Variants in C2CD5 observed in about 807,000 individuals in gnomAD.
C2CD5 encodes C2 domain-containing protein 5.
A neutral mutation model predicts 130.3 loss-of-function variants in C2CD5; 109 were observed. That is an observed-to-expected ratio of 0.84 (90% CI 0.72 to 0.98). C2CD5 has a LOEUF of 0.98. Among genes scored for constraint, C2CD5 ranks in the 50% least tolerant of loss-of-function variants. The pLI is 0.00. For missense variants in C2CD5, 996 were observed against 1,261.8 expected (o/e 0.79, Z 3.19); for synonymous variants, 454 against 429.2 (o/e 1.06, Z -0.71).
chr12:22,509,667 T>C (rs990984244), intron 9 of C2CD5, among the ~76,000 whole-genome samples: 1 of 152,242 alleles, frequency 6.6e-6, no homozygotes, highest in Admixed American at 6.5e-5. Context: ...ATCACCACCA[T>C]AACTAGCAAC....
intron 10 of C2CD5, among the ~76,000 whole-genome samples, chr12:22,498,518 T>C (rs1477078209): frequency 6.6e-6 from 1 of 152,228 alleles, no homozygotes; most frequent in Non-Finnish European, 1.5e-5. Context: ...ATACTTATTT[T>C]TATAGGACAT....
At chr12:22,513,151 C>A (rs1949374273) in intron 9 of C2CD5, 143 bp downstream of exon 9, 2 of 522,064 alleles carry the variant, frequency 3.8e-6, no homozygotes, top group African/African-American at 1.9e-5. Context: ...ACTTTGACAC[C>A]TTAAATCCAT....
intron 10 of C2CD5, among the ~76,000 whole-genome samples, chr12:22,499,738 T>A (rs1359706919): frequency 6.6e-6 from 1 of 152,198 alleles, no homozygotes; most frequent in Non-Finnish European, 1.5e-5. Context: ...CACATAAGAT[T>A]TGTAAATGCT....
intron 3 of C2CD5, among the ~76,000 whole-genome samples, chr12:22,528,101 A>C (rs766117571): frequency 4.6e-5 from 7 of 152,212 alleles, no homozygotes; most frequent in African/African-American, 1.2e-4. Context: ...AAAAAAGTTT[A>C]TCTCTCAGCA....
Position 22,524,479 on chromosome 12 carries a change from T to C in C2CD5, c.594A>G (p.Leu198=). The C allele has an allele frequency of 6.2e-7, 1 of 1,613,096 alleles. No individual in the cohort carries two copies. The highest frequency in any genetic ancestry group is 8.5e-7 in the Non-Finnish European group (1 of 1,179,662). ...GTTATTTTTTTTAAATACCTGACAT[T>C]AACGAAATGAGTCTCTGTCTGGCCT... The part of the protein sequence containing the change: ...SNEARQRLIS[L]MSGELQRKIG... The change falls in exon 6 of 27, where the codon TTA becomes TTG. Residue 198 remains leucine, a synonymous_variant. Transcript: ENST00000446597.
chr12:22,460,978 G>A (rs1941029173), intron 22 of C2CD5, among the ~76,000 whole-genome samples: 1 of 152,186 alleles, frequency 6.6e-6, no homozygotes, highest in East Asian at 1.9e-4. Flanking sequence ...AATGGCCTAT[G>A]AGGATACCAC....
intron 10 of C2CD5, 63 bp downstream of exon 10, chr12:22,506,648 A>C: frequency 1.0e-6 from 1 of 980,686 alleles, no homozygotes; most frequent in Non-Finnish European, 1.6e-6. Flanking sequence ...AAAAAATCAT[A>C]AAAATCAATT....
chr12:22,535,531 C>G (rs1951739757), intron 2 of C2CD5, among the ~76,000 whole-genome samples, 187 bp from the exon 3 acceptor site: 1 of 152,118 alleles, frequency 6.6e-6, no homozygotes, highest in South Asian at 2.1e-4. Context: ...ATACCCACAA[C>G]AAGCAATCAC....
In C2CD5 at chr12:22,474,842, C is replaced by T. The variant is rs558753383; in HGVS notation, c.1952G>A (p.Arg651His). ...IGSPIPEPRQ[R>H]SRLLRSQSES... ...TGATTGAGATCTTAGAAGTCTTGAGCGTTGCCTAGGTTCTGGGATGGGTGA... is the reference window on the plus strand; with the variant it reads ...TGATTGAGATCTTAGAAGTCTTGAGTGTTGCCTAGGTTCTGGGATGGGTGA... The change falls in exon 16 of 27, where the codon CGC becomes CAC. Residue 651 changes from arginine (R) to histidine (H), a missense_variant. Coordinates refer to ENST00000446597, the MANE Select transcript of C2CD5 (RefSeq NM_001286176.2). 1.5e-5 allele frequency: 24 copies of T among 1,607,848 alleles called. No homozygotes were observed. The Admixed American group carries it at 2.0e-4, about 13-fold the overall frequency.
In C2CD5 at chr12:22,479,765, T is replaced by C. The variant is rs558570686; in HGVS notation, c.1738-1288A>G. 7.4e-4 allele frequency among the ~76,000 whole-genome samples: 113 copies of C among 152,190 alleles called. 1 individual carries two copies. In the South Asian group the frequency reaches 9.3e-3, roughly 13 times the overall value. On this transcript the variant is annotated intron_variant, in intron 14 of 26. Coordinates refer to ENST00000446597, the MANE Select transcript of C2CD5 (RefSeq NM_001286176.2). ...TTTCATTAGTACTGGAAAACTATCA[T>C]GGGAAATACAAAACAAGGTAACATT...
chr12:22,478,845 C>G (rs570964458), intron 14 of C2CD5, among the ~76,000 whole-genome samples: 27 of 144,502 alleles, frequency 1.9e-4, no homozygotes, highest in Non-Finnish European at 3.5e-4. Flanking sequence ...GACTCTGTCT[C>G]AAAAAAAAGA....
chr12:22,505,288 G>A (rs1315760964), intron 10 of C2CD5, among the ~76,000 whole-genome samples: 2 of 116,890 alleles, frequency 1.7e-5, no homozygotes, highest in African/African-American at 3.5e-5. Flanking sequence ...ACAGAGTTTC[G>A]CTCTTGTCGC....
intron 14 of C2CD5, among the ~76,000 whole-genome samples, chr12:22,481,049 C>T (rs1255192231): frequency 2.6e-5 from 4 of 152,132 alleles, no homozygotes; most frequent in Non-Finnish European, 5.9e-5. Context: ...GAACGATCTG[C>T]CCACCTCAGC....
At chr12:22,483,448 A>G (rs1945017109) in intron 13 of C2CD5, among the ~76,000 whole-genome samples, 1 of 152,166 alleles carries the variant, frequency 6.6e-6, no homozygotes. Flanking sequence ...AACAGTAGCA[A>G]TGAAAGCCAG....
Position 22,538,128 on chromosome 12 carries a change from A to G in C2CD5, c.91-2784T>C, listed in dbSNP as rs186445587. 5.3e-5 allele frequency among the ~76,000 whole-genome samples: 8 copies of G among 152,342 alleles called. No individual in the cohort carries two copies. In the East Asian group the frequency reaches 1.3e-3, roughly 26 times the overall value. On this transcript the variant is annotated intron_variant, in intron 2 of 26. Coordinates refer to ENST00000446597, the MANE Select transcript of C2CD5 (RefSeq NM_001286176.2). ...AAACATTTTAAGATAAAACATATAA[A>G]CAAACATTCATTCCTGTCTTTTAAT...
At chr12:22,503,063 G>C (rs1462431689) in intron 10 of C2CD5, among the ~76,000 whole-genome samples, 2 of 151,952 alleles carry the variant, frequency 1.3e-5, no homozygotes, top group Admixed American at 1.3e-4. Flanking sequence ...GTAGTCACCC[G>C]TTTGCTCAAT....
chr12:22,530,527 G>A (rs950643324), intron 3 of C2CD5, among the ~76,000 whole-genome samples: 3 of 150,866 alleles, frequency 2.0e-5, no homozygotes, highest in South Asian at 2.1e-4. Flanking sequence ...GCGTGATCTC[G>A]ACTCACTGCA....
rs551367841 is a variant in C2CD5 at position 22,448,718 on chromosome 12, A to C, written c.*1042T>G. 4.6e-5 allele frequency: 7 copies of C among 152,726 alleles called. No individual in the cohort carries two copies. In the East Asian group the frequency reaches 1.3e-3, roughly 29 times the overall value. 9.5% of individuals were successfully genotyped at this position (152,726 alleles called of 1,614,324 possible). A position where few individuals can be genotyped will look rare whatever the true frequency, so the allele number is the denominator to read the frequency against. The stretch of plus-strand genomic sequence containing the variant: ...GGGGGAAAAAATCATAAGTGTTATA[A>C]AGAAATATTATTGTGCAAAGGAGGA... On this transcript the variant is annotated 3_prime_UTR_variant, in exon 27 of 27. Coordinates refer to ENST00000446597, the MANE Select transcript of C2CD5 (RefSeq NM_001286176.2).
At chr12:22,496,356 G>C (rs1470191284) in intron 10 of C2CD5, among the ~76,000 whole-genome samples, 1 of 151,868 alleles carries the variant, frequency 6.6e-6, no homozygotes, top group Non-Finnish European at 1.5e-5. Flanking sequence ...TAATGAATTG[G>C]AATTATTTTA....
Sources: gnomAD v4.1 joint callset for allele counts (sites outside exome capture counted in the v4.1 genomes callset) on GRCh38, gnomAD v4.1.1 for gene constraint, MANE v1.5 for transcripts, NCBI Gene and HGNC (gene_info 2026-07-23, HGNC 2026-07-21) for gene names.